Variants in EP300 observed in about 807,000 individuals in gnomAD.
EP300 encodes the protein histone acetyltransferase p300.
Under a neutral mutation model 264.0 loss-of-function variants are expected in EP300, and 31 were observed. The ratio of observed to expected loss-of-function variants is 0.12; its 90% CI spans 0.09 to 0.16. EP300 has a LOEUF of 0.16. Ranked by LOEUF, EP300 falls within the 10% of genes least tolerant of loss-of-function variation. The pLI, the probability that EP300 is intolerant of heterozygous loss-of-function variation, is 1.00. For synonymous variants in EP300, 1,340 were observed against 1,045.4 expected, an observed-to-expected ratio of 1.28 and a Z score of -5.44; for missense variants, 2,766 against 3,052.9, an observed-to-expected ratio of 0.91 and a Z score of 2.21.
Position 41,177,797 on chromosome 22 carries a change from C to T in EP300, c.6086C>T (p.Pro2029Leu). ...CATGGTCAACCTTTGAACATGGCTC[C>T]ACAACCAGGATTGGGCCAGGTAGGT... ...AQHGQPLNMA[P>L]QPGLGQVGIS... The change falls in exon 31 of 31, where the codon CCA becomes CTA. Residue 2029 changes from proline to leucine, a missense_variant. Transcript: ENST00000263253. The T allele has an allele frequency of 1.2e-6, 2 of 1,614,042 alleles. No individual in the cohort carries two copies. The highest frequency in any genetic ancestry group is 1.7e-6 in the Non-Finnish European group (2 of 1,180,026).
At chr22:41,097,532 A>G (rs1478076982) in intron 1 of EP300, among the ~76,000 whole-genome samples, 1 of 152,222 alleles carries the variant, frequency 6.6e-6, no homozygotes, top group African/African-American at 2.4e-5. Flanking sequence ...GGAAAGAGAA[A>G]AAGAGTAGGA....
rs1395188135 is a variant in EP300 at position 41,178,636 on chromosome 22, T to G, written c.6925T>G (p.Ser2309Ala). The stretch of plus-strand genomic sequence containing the variant: ...TAATTCTCTCTCCAATCAAGTGCGC[T>G]CTCCCCAGCCTGTCCCTTCTCCACG... The part of the protein sequence containing the change: ...IPNSLSNQVR[S>A]PQPVPSPRPQ... The change falls in exon 31 of 31, where the codon TCT becomes GCT. Residue 2309 changes from serine to alanine, a missense_variant. Transcript: ENST00000263253. 13 of 1,613,764 alleles carry G rather than the reference T, an allele frequency of 8.1e-6. No individual in the cohort carries two copies. The highest frequency in any genetic ancestry group is 1.1e-5 in the Non-Finnish European group (13 of 1,179,974).
chr22:41,153,936 T>C (rs556121475), intron 16 of EP300, among the ~76,000 whole-genome samples: 1 of 152,170 alleles, frequency 6.6e-6, no homozygotes, highest in Non-Finnish European at 1.5e-5. Flanking sequence ...GAAATTTTTT[T>C]TGCCAATTAA....
chr22:41,137,737 A>G lies in EP300; in HGVS notation c.1707A>G (p.Lys569=). The G allele has an allele frequency of 1.2e-6, 2 of 1,614,258 alleles. No individual in the cohort carries two copies. The highest frequency in any genetic ancestry group is 8.5e-7 in the Non-Finnish European group (1 of 1,180,048). ...AACCATCCACTACTGGAATTCGGAA[A>G]CAGTGGCACGAAGATATTACTCAGG... ...AAQPSTTGIR[K]QWHEDITQDL... The change falls in exon 8 of 31, where the codon AAA becomes AAG. Residue 569 remains lysine, a synonymous_variant. Transcript: ENST00000263253.
intron 1 of EP300, among the ~76,000 whole-genome samples, chr22:41,110,117 G>GCCCCCC (rs60023863): frequency 3.1e-5 from 2 of 65,550 alleles, no homozygotes; most frequent in Non-Finnish European, 5.7e-5. Flanking sequence ...CCTGTTCCCT[G>GCCCCCC]CCCCCCCCCC....
At chr22:41,149,703 A>T in intron 13 of EP300, 58 bp from the exon 14 acceptor site, 1 of 1,542,210 alleles carries the variant, frequency 6.5e-7, no homozygotes, top group South Asian at 1.1e-5. Flanking sequence ...ATGCCTATGT[A>T]AGTATTTCCT....
chr22:41,145,786 G>A (rs1451413233), intron 10 of EP300, among the ~76,000 whole-genome samples: 1 of 151,790 alleles, frequency 6.6e-6, no homozygotes, highest in Non-Finnish European at 1.5e-5. Context: ...ACAGGCGCCT[G>A]CCACCACGCC....
At chr22:41,117,092 G>T in intron 1 of EP300, 95 bp from the exon 2 acceptor site, 2 of 1,105,326 alleles carry the variant, frequency 1.8e-6, no homozygotes, top group Non-Finnish European at 2.7e-6. Context: ...GTGAGGTTGG[G>T]AAATGACATT....
chr22:41,150,117 G>T lies in EP300; in HGVS notation c.2736G>T (p.Gln912His), dbSNP rs1171907394. ...CACCTTCTGCTGACCAGCCCCAGCA[G>T]CAGCCTCGCTCACAGCAGAGCACAG... ...PAAPSADQPQ[Q>H]QPRSQQSTAA... The change falls in exon 14 of 31, where the codon CAG becomes CAT. Residue 912 changes from glutamine to histidine, a missense_variant. Physicochemically the swap from Gln to His is conservative, Grantham distance 24. Transcript: ENST00000263253. 3 of 1,613,136 alleles carry T rather than the reference G, an allele frequency of 1.9e-6. No homozygotes were observed. Among genetic ancestry groups the T allele is most frequent in the East Asian group, 2.2e-5 (1 of 44,878 alleles).
At chr22:41,106,940 A>G (rs1439514090) in intron 1 of EP300, among the ~76,000 whole-genome samples, 1 of 151,978 alleles carries the variant, frequency 6.6e-6, no homozygotes, top group African/African-American at 2.4e-5. Context: ...GGGATCTCGC[A>G]CTGTCACCCA....
chr22:41,170,387 T>G lies in EP300; in HGVS notation c.4287-19T>G. The G allele has an allele frequency of 6.2e-7, 1 of 1,610,404 alleles. No homozygotes were observed. The highest frequency in any genetic ancestry group is 8.5e-7 in the Non-Finnish European group (1 of 1,176,642). On this transcript the variant is annotated intron_variant, in intron 26 of 30. Coordinates refer to ENST00000263253, the MANE Select transcript of EP300 (RefSeq NM_001429.4). ...AGATTATCTCTTTTCCTTAATGTTC[T>G]TTCTCTTTGTATTGTTAGTTACACA... is the stretch of plus-strand genomic sequence containing the variant.
intron 4 of EP300, among the ~76,000 whole-genome samples, chr22:41,129,495 A>C (rs1049498928): frequency 9.9e-5 from 15 of 152,244 alleles, no homozygotes; most frequent in African/African-American, 2.7e-4. Context: ...AATACAATTT[A>C]CTGCAGTCAT....
intron 2 of EP300, among the ~76,000 whole-genome samples, chr22:41,122,724 A>T (rs1038232022): frequency 2.0e-5 from 3 of 151,918 alleles, no homozygotes; most frequent in Non-Finnish European, 4.4e-5. Flanking sequence ...TGTCATATTC[A>T]TAGATTTGCA....
intron 1 of EP300, among the ~76,000 whole-genome samples, chr22:41,095,580 T>A (rs1212003359): frequency 6.6e-6 from 1 of 151,956 alleles, no homozygotes; most frequent in African/African-American, 2.4e-5. Flanking sequence ...CAGTTTGTAA[T>A]ATGTTTGCAG....
At chr22:41,112,209 T>G (rs1205042616) in intron 1 of EP300, among the ~76,000 whole-genome samples, 1 of 147,488 alleles carries the variant, frequency 6.8e-6, no homozygotes, top group Non-Finnish European at 1.5e-5. Context: ...TATGTGTGTG[T>G]GAGACAGTCT....
chr22:41,167,211 G>A (rs979318065), intron 23 of EP300, among the ~76,000 whole-genome samples: 1 of 152,146 alleles, frequency 6.6e-6, no homozygotes, highest in African/African-American at 2.4e-5. Context: ...TGGCCAGGCT[G>A]ATCTCAAACT....
chr22:41,130,645 A>G (rs2058913434), intron 5 of EP300, among the ~76,000 whole-genome samples: 1 of 152,208 alleles, frequency 6.6e-6, no homozygotes. Flanking sequence ...AGGTAAATTT[A>G]TGTTCTGCTT....
In EP300 at chr22:41,137,724, C is replaced by G. The variant is rs1027406489; in HGVS notation, c.1694C>G (p.Thr565Ser). 1 of 1,614,214 alleles carries G rather than the reference C, an allele frequency of 6.2e-7. No homozygotes were observed. Among genetic ancestry groups the G allele is most frequent in the African/African-American group, 1.3e-5 (1 of 75,056 alleles). ...PMPTAAQPST[T>S]GIRKQWHEDI... ...CCAACAGCAGCTCAACCATCCACTA[C>G]TGGAATTCGGAAACAGTGGCACGAA... The change falls in exon 8 of 31, where the codon ACT becomes AGT. Residue 565 changes from threonine to serine, a missense_variant. Thr to Ser is a moderately conservative substitution (Grantham distance 58, BLOSUM62 1). Coordinates refer to ENST00000263253, the MANE Select transcript of EP300 (RefSeq NM_001429.4).
intron 11 of EP300, among the ~76,000 whole-genome samples, 160 bp from the exon 12 acceptor site, chr22:41,147,677 G>A (rs2059019310): frequency 6.6e-6 from 1 of 152,040 alleles, no homozygotes; most frequent in Non-Finnish European, 1.5e-5. Flanking sequence ...GGCAGAGCTT[G>A]CAGTGAGCGG....
Sources: gnomAD v4.1 joint callset for allele counts (sites outside exome capture counted in the v4.1 genomes callset) on GRCh38, gnomAD v4.1.1 for gene constraint, MANE v1.5 for transcripts, NCBI Gene and HGNC (gene_info 2026-07-23, HGNC 2026-07-21) for gene names.